F11: variants seen among roughly 807,000 people sequenced by gnomAD.
F11 encodes coagulation factor XI.
Under a neutral mutation model 76.5 loss-of-function variants are expected in F11, and 78 were observed. The observed-to-expected ratio is 1.02, with a 90% CI of 0.85 to 1.23. The LOEUF (loss-of-function observed/expected upper bound fraction) is 1.23. Ranked by LOEUF, F11 falls within the 50% of genes most tolerant of loss-of-function variation. F11 has a pLI of 0.00. For synonymous variants in F11, 278 were observed against 276.3 expected (o/e 1.01, Z -0.06); for missense variants, 742 against 771.4 (o/e 0.96, Z 0.45).
Position 186,280,013 on chromosome 4 carries a change from A to T in F11, c.757A>T (p.Asn253Tyr), listed in dbSNP as rs755643868. The change falls in exon 8 of 15, where the codon AAT becomes TAT. Residue 253 changes from asparagine (N) to tyrosine (Y), a missense_variant and splice_region_variant. Physicochemically the swap from Asn to Tyr is moderately radical, Grantham distance 143. Transcript: ENST00000403665. ...CTACTTCCCTTTTGTTTTTGTTAGA[A>T]ATCTTTGTCTCCTTAAAACATCTGA... ...SQEWPKESQRNLCLLKTSESG... is the reference protein window; with the variant it reads ...SQEWPKESQRYLCLLKTSESG... 1 of 1,611,334 alleles carries T rather than the reference A, an allele frequency of 6.2e-7. No homozygotes were observed. Among genetic ancestry groups the T allele is most frequent in the Non-Finnish European group, 8.5e-7 (1 of 1,177,482 alleles).
At chr4:186,271,826 T>A in intron 3 of F11, 55 bp downstream of exon 3, 1 of 1,554,264 alleles carries the variant, frequency 6.4e-7, no homozygotes, top group Non-Finnish European at 8.9e-7. Flanking sequence ...GAGATTGCTA[T>A]TCTTAACACA....
In F11 at chr4:186,276,225, G is replaced by A. The variant is rs369721182; in HGVS notation, c.596-6G>A. 107 of 1,613,926 alleles carry A rather than the reference G, an allele frequency of 6.6e-5. No homozygotes were observed. Among genetic ancestry groups the A allele is most frequent in the African/African-American group, 3.7e-4 (28 of 74,940 alleles). On this transcript the variant is annotated splice_polypyrimidine_tract_variant and splice_region_variant and intron_variant, in intron 6 of 14. Coordinates refer to ENST00000403665, the MANE Select transcript of F11 (RefSeq NM_000128.4). ...GAGTCCCTGACATAGTTCTTCCGTC[G>A]CGCAGCTTGTATTAGGGACATTTTC...
chr4:186,280,210 G>T lies in F11; in HGVS notation c.866-13G>T, dbSNP rs1309805530. On this transcript the variant is annotated splice_polypyrimidine_tract_variant and intron_variant, in intron 8 of 14. Transcript: ENST00000403665. ...AGGGAGGGTCTCACTCTGACATGTG[G>T]TCTGCTGTCTAGTGTTCTGCCATTC... The T allele has an allele frequency of 1.9e-6, 3 of 1,614,132 alleles. No individual in the cohort carries two copies. Among genetic ancestry groups the T allele is most frequent in the Non-Finnish European group, 2.5e-6 (3 of 1,180,026 alleles).
rs1461184929 is a variant in F11 at position 186,286,445 on chromosome 4, A to G, written c.1511A>G (p.Lys504Arg). The G allele has an allele frequency of 6.2e-7, 1 of 1,614,004 alleles. No individual in the cohort carries two copies. Among genetic ancestry groups the G allele is most frequent in the Admixed American group, 1.7e-5 (1 of 60,014 alleles). ...DSQRPICLPS[K>R]GDRNVIYTDC... The stretch of plus-strand genomic sequence containing the variant: ...CAACGACCCATATGCCTGCCTTCCA[A>G]AGGAGATAGAAATGTAATATACACT... Residue 504 changes from lysine to arginine, a missense_variant, in exon 13 of 15, where the codon AAA becomes AGA. Lys to Arg is a conservative substitution (Grantham distance 26). Transcript: ENST00000403665.
chr4:186,283,508 T>C (rs1052530589), intron 10 of F11, among the ~76,000 whole-genome samples: 4 of 152,170 alleles, frequency 2.6e-5, no homozygotes, highest in Non-Finnish European at 5.9e-5. Flanking sequence ...AGGAAGTTCA[T>C]AGCAGATCAG....
At chr4:186,283,253 G>A (rs2126769469) in intron 10 of F11, among the ~76,000 whole-genome samples, 1 of 90,536 alleles carries the variant, frequency 1.1e-5, no homozygotes, top group East Asian at 2.4e-4. Flanking sequence ...TTGTGTGCAC[G>A]TGTGTGTGTG....
At position 186,284,120 on chromosome 4, in the gene F11, C is replaced by A; in HGVS notation, c.1164C>A (p.Ile388=). Residue 388 remains isoleucine (I), a synonymous_variant, in exon 11 of 15, where the codon ATC becomes ATA. Coordinates refer to ENST00000403665, the MANE Select transcript of F11 (RefSeq NM_000128.4). ...NECTTKIKPR[I]VGGTASVRGE... The stretch of plus-strand genomic sequence containing the variant: ...GTACCACCAAAATCAAGCCCAGGAT[C>A]GTTGGAGGAACTGCGTCTGTTCGTG... 2 of 1,614,208 alleles carry A rather than the reference C, an allele frequency of 1.2e-6. No individual in the cohort carries two copies. Among genetic ancestry groups the A allele is most frequent in the South Asian group, 2.2e-5 (2 of 91,082 alleles).
Position 186,276,308 on chromosome 4 carries a change from G to T in F11, c.673G>T (p.Val225Phe). The change falls in exon 7 of 15, where the codon GTC becomes TTC. Residue 225 changes from valine to phenylalanine, a missense_variant. Physicochemically the swap from Val to Phe is conservative, Grantham distance 50. Transcript: ENST00000403665. The stretch of plus-strand genomic sequence containing the variant: ...CAGTGTCATGGCTCCCGATGCTTTT[G>T]TCTGTGGCCGAATCTGCACTCATCA... ...IDSVMAPDAF[V>F]CGRICTHHPG... The T allele has an allele frequency of 6.2e-7, 1 of 1,614,052 alleles. No individual in the cohort carries two copies. Among genetic ancestry groups the T allele is most frequent in the Non-Finnish European group, 8.5e-7 (1 of 1,180,026 alleles).
chr4:186,287,561 G>A, intron 13 of F11, 123 bp from the exon 14 acceptor site: 1 of 325,166 alleles, frequency 3.1e-6, no homozygotes. Context: ...TCCAGCCTGG[G>A]CGACAGAAAG....
chr4:186,278,251 T>C (rs149628031), intron 7 of F11, among the ~76,000 whole-genome samples: 39 of 152,306 alleles, frequency 2.6e-4, no homozygotes, highest in Non-Finnish European at 3.8e-4. Context: ...TGAAAAGTTG[T>C]CCTCCAGACA....
chr4:186,280,449 T>C, intron 9 of F11, 25 bp from the exon 10 acceptor site: 2 of 1,614,124 alleles, frequency 1.2e-6, no homozygotes, highest in Non-Finnish European at 1.7e-6. Flanking sequence ...GCATTATGTT[T>C]ATACCGTTTT....
At chr4:186,279,557 T>C (rs1561485915) in intron 7 of F11, among the ~76,000 whole-genome samples, 1 of 152,144 alleles carries the variant, frequency 6.6e-6, no homozygotes, top group Non-Finnish European at 1.5e-5. Context: ...TAGACTGTGA[T>C]TTTGTCTACT....
intron 12 of F11, 40 bp from the exon 13 acceptor site, chr4:186,286,375 T>C (rs748305986): frequency 6.7e-7 from 1 of 1,493,748 alleles, no homozygotes; most frequent in Non-Finnish European, 9.3e-7. Context: ...AGAGGATATA[T>C]TTTGCGTCTC....
chr4:186,285,509 CTT>C, intron 11 of F11, 127 bp from the exon 12 acceptor site: 1 of 968,630 alleles, frequency 1.0e-6, no homozygotes, highest in Non-Finnish European at 1.6e-6. Flanking sequence ...GATAAAATCA[CTT>C]TTTTCTACCT....
At chr4:186,268,684 A>G (rs940291147) in intron 2 of F11, among the ~76,000 whole-genome samples, 2 of 152,218 alleles carry the variant, frequency 1.3e-5, no homozygotes, top group African/African-American at 4.8e-5. Flanking sequence ...TTGAGTATTT[A>G]TACCTTTTTA....
rs1741392670 is a variant in F11, at chr4:186,288,621, T to C, written c.*7T>C. ...GAAAACTCAAGCAGTGTGAATGGGT[T>C]CCCAGGGGCCATTGGAGTCCCTGAA... On this transcript the variant is annotated 3_prime_UTR_variant, in exon 15 of 15. Coordinates refer to ENST00000403665, the MANE Select transcript of F11 (RefSeq NM_000128.4). 2 of 1,613,136 alleles carry C rather than the reference T, an allele frequency of 1.2e-6. No homozygotes were observed. The highest frequency in any genetic ancestry group is 4.5e-5 in the East Asian group (2 of 44,864).
At chr4:186,286,739 A>T (rs1741235108) in intron 13 of F11, 1 of 979,034 alleles carries the variant, frequency 1.0e-6, no homozygotes, top group Non-Finnish European at 1.2e-6. Context: ...ATTATATTTA[A>T]TGAAGTTTAA....
Position 186,280,304 on chromosome 4 carries a change from C to T in F11, c.947C>T (p.Ala316Val). Residue 316 changes from alanine to valine, a missense_variant, in exon 9 of 15, where the codon GCC becomes GTC. Transcript: ENST00000403665. ...ATTGTTGCTGCAAAAAGTCACGAGG[C>T]CTGCCAGAAACTGTGCACCAATGCC... is the stretch of plus-strand genomic sequence containing the variant. The part of the protein sequence containing the change: ...LDIVAAKSHE[A>V]CQKLCTNAVR... 1.2e-6 allele frequency: 2 copies of T among 1,614,158 alleles called. No individual in the cohort carries two copies. The highest frequency in any genetic ancestry group is 8.5e-7 in the Non-Finnish European group (1 of 1,180,038).
intron 5 of F11, chr4:186,274,888 G>A (rs1045866088): frequency 1.7e-5 from 3 of 174,636 alleles, no homozygotes; most frequent in African/African-American, 7.1e-5. Context: ...GCATTTATCT[G>A]GAATCAACAG....
Sources: allele counts gnomAD v4.1 joint callset (sites outside exome capture counted in the v4.1 genomes callset), GRCh38; gene constraint gnomAD v4.1.1; transcripts MANE v1.5; gene names NCBI Gene and HGNC (gene_info 2026-07-23, HGNC 2026-07-21).